The following VIPR2 variants were observed in gnomAD, a reference collection of about 807,000 sequenced individuals.
The protein encoded by VIPR2 is vasoactive intestinal peptide receptor 2, also known as vasoactive intestinal polypeptide receptor 2.
VIPR2 carries 48 observed loss-of-function variants against 58.0 expected under a neutral mutation model. The observed-to-expected ratio is 0.83, with a 90% CI of 0.66 to 1.05. VIPR2 has a LOEUF of 1.05. VIPR2 is among the 50% of genes least tolerant of loss of function. The probability of loss-of-function intolerance (pLI) is 0.00; values close to 1 mark genes in which losing one functional copy is unlikely to be tolerated. For missense variants in VIPR2, 534 were observed against 558.0 expected, an observed-to-expected ratio of 0.96 and a Z score of 0.43; for synonymous variants, 243 against 235.2, an observed-to-expected ratio of 1.03 and a Z score of -0.30.
chr7:159,100,687 C>T (rs76583299), intron 4 of VIPR2, among the ~76,000 whole-genome samples: 2,333 of 152,360 alleles, frequency 0.015, 49 homozygotes, highest in East Asian at 0.086. Flanking sequence ...GCAGGCCGTT[C>T]CCCTGACTGT....
Position 159,100,778 on chromosome 7 carries a change from C to T in VIPR2, c.357+2979G>A, listed in dbSNP as rs557639295. 1.5e-4 allele frequency among the ~76,000 whole-genome samples: 22 copies of T among 143,774 alleles called. No individual in the cohort carries two copies. The East Asian group carries it at 2.3e-3, about 15-fold the overall frequency. The allele number at this position is 143,774 out of a possible 152,430, so 94.3% of individuals were successfully genotyped here. ...TGTGATAGTGAACGGGTCTCAGATC[C>T]GACGAGGCGGTTCCCCCAACTGTTC... On this transcript the variant is annotated intron_variant, in intron 4 of 12. Coordinates refer to ENST00000262178, the MANE Select transcript of VIPR2 (RefSeq NM_003382.5).
chr7:159,081,781 A>C (rs1856917313), intron 4 of VIPR2, among the ~76,000 whole-genome samples: 1 of 152,222 alleles, frequency 6.6e-6, no homozygotes, highest in Admixed American at 6.5e-5. Context: ...AGAAAAAAAC[A>C]ACCCCATCAA....
At chr7:159,082,486 G>A (rs1195388425) in intron 4 of VIPR2, among the ~76,000 whole-genome samples, 2 of 152,118 alleles carry the variant, frequency 1.3e-5, no homozygotes, top group Non-Finnish European at 2.9e-5. Flanking sequence ...GGTCGTGGGG[G>A]AGGGATAGCA....
At chr7:159,111,619 G>T (rs1007274629) in intron 2 of VIPR2, among the ~76,000 whole-genome samples, 11 of 151,840 alleles carry the variant, frequency 7.2e-5, no homozygotes, top group Non-Finnish European at 1.0e-4. Flanking sequence ...GGTGGAGGTT[G>T]CAGTGAGCCG....
intron 12 of VIPR2, 125 bp from the exon 13 acceptor site, chr7:159,030,914 G>A (rs1853529272): frequency 1.6e-6 from 2 of 1,279,882 alleles, no homozygotes; most frequent in Non-Finnish European, 2.1e-6. Flanking sequence ...GTTGCCAGCA[G>A]ATGGACAGAA....
At chr7:159,094,621 C>G (rs1174695674) in intron 4 of VIPR2, among the ~76,000 whole-genome samples, 1 of 152,226 alleles carries the variant, frequency 6.6e-6, no homozygotes, top group Non-Finnish European at 1.5e-5. Context: ...GATTTTGCAG[C>G]TTCTTTGCAG....
In VIPR2 at chr7:159,096,177, A is replaced by C. The variant is rs1328394341; in HGVS notation, c.357+7580T>G. Among the ~76,000 whole-genome samples the C allele has an allele frequency of 6.6e-6, 1 of 152,128 alleles. No homozygotes were observed. The highest frequency in any genetic ancestry group is 2.4e-5 in the African/African-American group (1 of 41,438). ...CCCAGAGCACAATGCCGGAGGTCCCACCCAAGGCTGCCCAAGCCCAAAGAC... is the reference window on the plus strand; with the variant it reads ...CCCAGAGCACAATGCCGGAGGTCCCCCCCAAGGCTGCCCAAGCCCAAAGAC... On this transcript the variant is annotated intron_variant, in intron 4 of 12. Transcript: ENST00000262178. The surrounding 1 kb of genome is among the most constrained non-coding windows in gnomAD (Gnocchi z 5.5).
intron 5 of VIPR2, among the ~76,000 whole-genome samples, chr7:159,052,698 C>G (rs1039892727): frequency 6.6e-6 from 1 of 152,098 alleles, no homozygotes; most frequent in Middle Eastern, 3.4e-3. Flanking sequence ...TATATCAAAA[C>G]CATGTAGGGT....
intron 3 of VIPR2, 83 bp from the exon 4 acceptor site, chr7:159,103,937 G>C (rs1306888989): frequency 8.1e-7 from 1 of 1,235,102 alleles, no homozygotes; most frequent in Non-Finnish European, 1.2e-6. Context: ...CTGAGCCCGT[G>C]CTCTATTAAA....
chr7:159,043,885 C>T (rs749148512), intron 5 of VIPR2, among the ~76,000 whole-genome samples: 1 of 152,196 alleles, frequency 6.6e-6, no homozygotes, highest in African/African-American at 2.4e-5. Context: ...ACATCAGGTC[C>T]TCTGATAGCC....
At chr7:159,144,383 C>T (rs1349169295) in intron 1 of VIPR2, 2 of 1,544,492 alleles carry the variant, frequency 1.3e-6, no homozygotes, top group Non-Finnish European at 1.7e-6. Context: ...GCGCAGGCGC[C>T]CGCAGCTCCC....
chr7:159,085,614 A>G (rs1299433996), intron 4 of VIPR2, among the ~76,000 whole-genome samples: 1 of 152,190 alleles, frequency 6.6e-6, no homozygotes, highest in African/African-American at 2.4e-5. Flanking sequence ...GTTTAAGGAC[A>G]CGGCTGTCAC....
chr7:159,092,207 T>C (rs1857545238), intron 4 of VIPR2, among the ~76,000 whole-genome samples: 1 of 152,170 alleles, frequency 6.6e-6, no homozygotes, highest in South Asian at 2.1e-4. Flanking sequence ...AGGCTGAGCC[T>C]GTTTTAAGCA....
chr7:159,116,265 T>C (rs970622898), intron 2 of VIPR2, among the ~76,000 whole-genome samples: 2 of 152,198 alleles, frequency 1.3e-5, no homozygotes, highest in African/African-American at 4.8e-5. Context: ...ACTACTAATT[T>C]TGAAGCCAAG....
intron 4 of VIPR2, among the ~76,000 whole-genome samples, chr7:159,082,143 C>T (rs573812595): frequency 2.0e-5 from 3 of 152,322 alleles, no homozygotes; most frequent in South Asian, 2.1e-4. Context: ...ATAAATCATG[C>T]TGCTATAAAG....
chr7:159,057,698 GAC>G (rs1449859966), intron 5 of VIPR2, among the ~76,000 whole-genome samples: 1 of 152,190 alleles, frequency 6.6e-6, no homozygotes, highest in East Asian at 1.9e-4. Flanking sequence ...TGATACGTAA[GAC>G]AGATTTAATC....
rs887012159 is a variant in VIPR2, at chr7:159,113,349, T to G, written c.152-3430A>C. Among the ~76,000 whole-genome samples the G allele has an allele frequency of 8.5e-5, 13 of 152,224 alleles. No homozygotes were observed. In the East Asian group the frequency reaches 9.6e-4, roughly 11 times the overall value. Reference sequence around the variant, plus strand: ...CAGCCCCTGTCACATACCCCCTGGCTTGCTCAATCAATCATGACCCTTTCA... The same window carrying G: ...CAGCCCCTGTCACATACCCCCTGGCGTGCTCAATCAATCATGACCCTTTCA... On this transcript the variant is annotated intron_variant, in intron 2 of 12. Coordinates refer to ENST00000262178, the MANE Select transcript of VIPR2 (RefSeq NM_003382.5).
At chr7:159,049,608 T>C (rs1164070965) in intron 5 of VIPR2, among the ~76,000 whole-genome samples, 7 of 152,120 alleles carry the variant, frequency 4.6e-5, no homozygotes, top group East Asian at 1.9e-4. Flanking sequence ...GGAAAGGAAA[T>C]AGAGGCTGCA....
At chr7:159,051,519 G>T (rs989853903) in intron 5 of VIPR2, among the ~76,000 whole-genome samples, 1 of 152,134 alleles carries the variant, frequency 6.6e-6, no homozygotes, top group Non-Finnish European at 1.5e-5. Context: ...AGAAAGCAAA[G>T]AAATGAAAGG....
Sources: gnomAD v4.1 joint callset for allele counts (sites outside exome capture counted in the v4.1 genomes callset) on GRCh38, gnomAD v4.1.1 for gene constraint, Gnocchi (gnomAD v3.1) non-coding constraint, MANE v1.5 for transcripts, NCBI Gene and HGNC (gene_info 2026-07-23, HGNC 2026-07-21) for gene names.